PTPRD: variants seen among roughly 807,000 people sequenced by gnomAD.
PTPRD encodes the protein receptor-type tyrosine-protein phosphatase delta.
In PTPRD, 34 loss-of-function variants were observed where a neutral mutation model predicts 214.5. The observed-to-expected ratio is 0.16, with a 90% confidence interval of 0.12 to 0.21. The LOEUF (loss-of-function observed/expected upper bound fraction) is 0.21, where lower values mean the gene tolerates loss of function less well. PTPRD is among the 10% of genes least tolerant of loss of function. The pLI is 1.00. For missense variants in PTPRD, 2,545 were observed against 2,398.7 expected, an observed-to-expected ratio of 1.06 and a Z score of -1.27; for synonymous variants, 1,128 against 845.7, an observed-to-expected ratio of 1.33 and a Z score of -5.79.
chr9:9,868,451 G>C (rs982524807), intron 5 of PTPRD, among the ~76,000 whole-genome samples: 1 of 152,072 alleles, frequency 6.6e-6, no homozygotes, highest in Non-Finnish European at 1.5e-5. Context: ...GAAAGAGCAA[G>C]TCAAAGATCA....
At chr9:9,392,423 G>T (rs1291832167) in intron 9 of PTPRD, among the ~76,000 whole-genome samples, 1 of 152,096 alleles carries the variant, frequency 6.6e-6, no homozygotes, top group Admixed American at 6.5e-5. Context: ...GCATATTTGG[G>T]TTTGGTCTTG....
intron 5 of PTPRD, among the ~76,000 whole-genome samples, chr9:9,789,572 C>T (rs369365711): frequency 1.3e-5 from 2 of 151,680 alleles, no homozygotes; most frequent in East Asian, 2.0e-4. Flanking sequence ...CCGAGGCGGG[C>T]GGATCAGGAG....
At chr9:9,938,813 A>G (rs1017848276) in intron 4 of PTPRD, among the ~76,000 whole-genome samples, 6 of 152,104 alleles carry the variant, frequency 3.9e-5, no homozygotes, top group Non-Finnish European at 7.4e-5. Flanking sequence ...GACCATCTAT[A>G]TTTTATCTCC....
intron 8 of PTPRD, among the ~76,000 whole-genome samples, chr9:9,400,762 G>C (rs987093604): frequency 6.6e-6 from 1 of 152,002 alleles, no homozygotes; most frequent in Non-Finnish European, 1.5e-5. Context: ...GTGAGGAAAT[G>C]GAGTCAAACC....
At chr9:8,908,692 AG>A (rs1223228221) in intron 11 of PTPRD, among the ~76,000 whole-genome samples, 25 of 151,946 alleles carry the variant, frequency 1.6e-4, no homozygotes, top group African/African-American at 5.8e-4. Flanking sequence ...AACTATAAAA[AG>A]AAGAACAAAT....
chr9:9,967,865 T>C (rs1429137801), intron 4 of PTPRD, among the ~76,000 whole-genome samples: 1 of 152,156 alleles, frequency 6.6e-6, no homozygotes, highest in Non-Finnish European at 1.5e-5. Flanking sequence ...CAAAAATTAA[T>C]AGGTTTTACA....
Position 8,436,600 on chromosome 9 carries a change from C to T in PTPRD, c.4078G>A (p.Glu1360Lys), listed in dbSNP as rs888423638. 2 of 1,610,412 alleles carry T rather than the reference C, an allele frequency of 1.2e-6. No homozygotes were observed. Reference protein sequence around the residue: ...KANDNLKFSQEYESIDPGQQF... With the variant: ...KANDNLKFSQKYESIDPGQQF... ...TAAACACAGTGAATTACCTCATATT[C>T]CTGGGAAAACTTCAAGTTGTCATTT... Residue 1360 changes from glutamate to lysine, a missense_variant, in exon 35 of 46, where the codon GAA (glutamate) becomes AAA (lysine). Transcript: ENST00000381196.
chr9:8,704,952 TAAAAG>T (rs773430448), intron 12 of PTPRD, among the ~76,000 whole-genome samples: 3 of 151,742 alleles, frequency 2.0e-5, no homozygotes, highest in African/African-American at 7.3e-5. Flanking sequence ...TAAAAAGAAA[TAAAAG>T]AAAGTTCAAT....
At chr9:8,391,627 G>C (rs1397851899) in intron 36 of PTPRD, among the ~76,000 whole-genome samples, 1 of 152,124 alleles carries the variant, frequency 6.6e-6, no homozygotes, top group Non-Finnish European at 1.5e-5. Flanking sequence ...TTAGCAGTTA[G>C]CAACATTAAA....
intron 3 of PTPRD, among the ~76,000 whole-genome samples, chr9:10,310,699 C>G (rs967957084): frequency 6.6e-6 from 1 of 152,088 alleles, no homozygotes; most frequent in Non-Finnish European, 1.5e-5. Flanking sequence ...TCTATTGTCT[C>G]CTTTTGTTGA....
At chr9:9,091,179 C>T (rs2099775133) in intron 10 of PTPRD, 1 of 1,535,760 alleles carries the variant, frequency 6.5e-7, no homozygotes, top group Admixed American at 1.7e-5. Context: ...TCCGCAAGGA[C>T]CGAACACCCC....
intron 2 of PTPRD, among the ~76,000 whole-genome samples, chr9:10,450,263 AAC>A (rs2098831826): frequency 2.6e-5 from 4 of 151,530 alleles, no homozygotes; most frequent in African/African-American, 9.7e-5. Flanking sequence ...TAAATAAATA[AAC>A]ATAAATAAAT....
At chr9:9,625,679 T>C (rs73388991) in intron 7 of PTPRD, among the ~76,000 whole-genome samples, 7,501 of 152,110 alleles carry the variant, frequency 0.049, 559 homozygotes, top group African/African-American at 0.16. Context: ...GGAAATCTCT[T>C]AGGTTATTGC....
intron 2 of PTPRD, among the ~76,000 whole-genome samples, chr9:10,352,189 G>T (rs747815371): frequency 6.6e-6 from 1 of 151,730 alleles, no homozygotes; most frequent in Non-Finnish European, 1.5e-5. Flanking sequence ...TTTCTTCACT[G>T]GATTTTTAAG....
At position 9,414,295 on chromosome 9, in the gene PTPRD, C is replaced by T. The variant is rs765444949; in HGVS notation, c.-236-16813G>A. ...GCTTAAATTAACCTCTCACTGTGTT[C>T]AGTCAGGTTCTTTCTTTTCCTTCAT... On this transcript the variant is annotated intron_variant, in intron 8 of 45. Transcript: ENST00000381196. 5.3e-5 allele frequency among the ~76,000 whole-genome samples: 8 copies of T among 152,326 alleles called. No homozygotes were observed. The South Asian group carries it at 6.2e-4, about 12-fold the overall frequency.
intron 4 of PTPRD, among the ~76,000 whole-genome samples, chr9:9,962,472 C>T (rs1294599294): frequency 1.3e-5 from 2 of 151,954 alleles, no homozygotes; most frequent in African/African-American, 2.4e-5. Context: ...TAAATGTTCT[C>T]ACTTGTGTGA....
At chr9:9,565,660 T>G (rs1205833162) in intron 8 of PTPRD, among the ~76,000 whole-genome samples, 2 of 151,992 alleles carry the variant, frequency 1.3e-5, no homozygotes. Flanking sequence ...GTACCTTTAT[T>G]TTTTAAATCA....
At chr9:8,764,724 G>A (rs2094601138) in intron 11 of PTPRD, among the ~76,000 whole-genome samples, 1 of 151,960 alleles carries the variant, frequency 6.6e-6, no homozygotes, top group African/African-American at 2.4e-5. Context: ...GAACCCGGGA[G>A]CTGGAGGTTG....
intron 39 of PTPRD, among the ~76,000 whole-genome samples, chr9:8,362,928 G>T (rs2078869832): frequency 6.6e-6 from 1 of 152,142 alleles, no homozygotes; most frequent in Non-Finnish European, 1.5e-5. Flanking sequence ...ATTCAGAGTT[G>T]TTTTTATTAA....
Sources: allele counts gnomAD v4.1 joint callset (sites outside exome capture counted in the v4.1 genomes callset), GRCh38; gene constraint gnomAD v4.1.1; transcripts MANE v1.5; gene names NCBI Gene and HGNC (gene_info 2026-07-23, HGNC 2026-07-21).